RGS6: variants seen among roughly 807,000 people sequenced by gnomAD.
RGS6 encodes the protein regulator of G-protein signaling 6.
RGS6 carries 30 observed loss-of-function variants against 78.5 expected under a neutral mutation model. The observed-to-expected ratio is 0.38, with a 90% CI of 0.29 to 0.52. RGS6 has a LOEUF of 0.52. RGS6 is among the 20% of genes least tolerant of loss of function. RGS6 has a pLI of 0.85. For synonymous variants in RGS6, 206 were observed against 206.0 expected (o/e 1.00, Z 0.00); for missense variants, 495 against 609.7 (o/e 0.81, Z 1.98).
At chr14:72,245,697 TGGCCAGTTTTGG>T (rs1176614993) in intron 2 of RGS6, among the ~76,000 whole-genome samples, 1 of 152,218 alleles carries the variant, frequency 6.6e-6, no homozygotes, top group Admixed American at 6.5e-5. Flanking sequence ...ATTTTATTTA[TGGCCAGTTTTGG>T]GGCCAGTTTA....
chr14:72,245,010 A>G (rs1254650205), intron 2 of RGS6, among the ~76,000 whole-genome samples: 2 of 152,176 alleles, frequency 1.3e-5, no homozygotes, highest in Admixed American at 6.5e-5. Context: ...TTTTTACTAG[A>G]GATAGGGTAT....
intron 2 of RGS6, among the ~76,000 whole-genome samples, chr14:72,161,472 G>T (rs2153661488): frequency 6.6e-6 from 1 of 152,228 alleles, no homozygotes; most frequent in Non-Finnish European, 1.5e-5. Context: ...TTCACAATGG[G>T]GTGTGGAAGA....
rs182063072 is a variant in RGS6, at chr14:72,422,087, G to C, written c.185-32441G>C. ...TATGATGGTATCATAATGGGGGGAGGTTCCCCTGCACAAGCTCTCCCTTTG... is the reference window on the plus strand; with the variant it reads ...TATGATGGTATCATAATGGGGGGAGCTTCCCCTGCACAAGCTCTCCCTTTG... On this transcript the variant is annotated intron_variant, in intron 3 of 17. Coordinates refer to ENST00000553525, the MANE Select transcript of RGS6 (RefSeq NM_001204424.2). 2.8e-3 allele frequency among the ~76,000 whole-genome samples: 432 copies of C among 152,224 alleles called. 4 individuals carry two copies. The highest frequency in any genetic ancestry group is 9.9e-3 in the African/African-American group (413 of 41,526).
intron 3 of RGS6, among the ~76,000 whole-genome samples, chr14:72,403,522 C>G (rs2092659204): frequency 6.6e-6 from 1 of 152,100 alleles, no homozygotes; most frequent in South Asian, 2.1e-4. Flanking sequence ...GGAATATGTT[C>G]TAGTGTTCTA....
intron 2 of RGS6, among the ~76,000 whole-genome samples, chr14:72,229,017 T>G (rs1456205945): frequency 6.6e-6 from 1 of 152,234 alleles, no homozygotes; most frequent in Admixed American, 6.5e-5. Flanking sequence ...ATTGTGCCAC[T>G]GCACTCTAGC....
chr14:72,151,151 C>G (rs1598425052), intron 2 of RGS6, among the ~76,000 whole-genome samples: 2 of 152,288 alleles, frequency 1.3e-5, no homozygotes, highest in East Asian at 3.9e-4. Flanking sequence ...ACCCAAATGC[C>G]TAACAAAGTC....
At chr14:72,330,688 A>G (rs944197942) in intron 2 of RGS6, among the ~76,000 whole-genome samples, 9 of 152,200 alleles carry the variant, frequency 5.9e-5, no homozygotes, top group African/African-American at 2.2e-4. Flanking sequence ...GCCCACATTT[A>G]AAATTAATAT....
intron 2 of RGS6, among the ~76,000 whole-genome samples, chr14:72,000,879 A>C (rs2083296524): frequency 6.6e-6 from 1 of 152,088 alleles, no homozygotes; most frequent in South Asian, 2.1e-4. Context: ...GAGGAGAGAA[A>C]ATGGGAGATT....
intron 2 of RGS6, among the ~76,000 whole-genome samples, chr14:72,215,189 T>C (rs908308887): frequency 2.0e-5 from 3 of 152,206 alleles, no homozygotes; most frequent in Non-Finnish European, 4.4e-5. Context: ...TCTTCCTCCT[T>C]TTCTAGGAAG....
chr14:72,586,993 G>C, the RGS6 span, among the ~76,000 whole-genome samples: 2 of 152,096 alleles, frequency 1.3e-5, no homozygotes, highest in Non-Finnish European at 2.9e-5. Context: ...TCCCCACAAA[G>C]AATGGACAGA....
intron 3 of RGS6, among the ~76,000 whole-genome samples, chr14:72,390,090 C>CTTTTTTTTTTT (rs767640465): frequency 8.5e-6 from 1 of 117,408 alleles, no homozygotes. Context: ...AGCTATAGTT[C>CTTTTTTTTTTT]TTTTTTTTTT....
intron 1 of RGS6, among the ~76,000 whole-genome samples, chr14:71,940,711 T>C (rs1338384326): frequency 2.0e-5 from 3 of 152,244 alleles, no homozygotes; most frequent in African/African-American, 7.2e-5. Context: ...GTTGAGTGAC[T>C]GTGGTTCCCA....
At chr14:72,207,297 A>G (rs1194680300) in intron 2 of RGS6, among the ~76,000 whole-genome samples, 1 of 152,212 alleles carries the variant, frequency 6.6e-6, no homozygotes, top group Non-Finnish European at 1.5e-5. Flanking sequence ...TTTATGTGCC[A>G]GTAGATATTC....
chr14:72,206,703 G>A (rs1238646366), intron 2 of RGS6, among the ~76,000 whole-genome samples: 3 of 152,080 alleles, frequency 2.0e-5, no homozygotes, highest in African/African-American at 7.2e-5. Context: ...GATCTCATGA[G>A]ACTCATTCGC....
intron 3 of RGS6, among the ~76,000 whole-genome samples, chr14:72,380,706 T>G (rs1467735359): frequency 6.6e-6 from 1 of 152,012 alleles, no homozygotes; most frequent in Non-Finnish European, 1.5e-5. Flanking sequence ...AAAGGGAACT[T>G]ATGCACTGTT....
intron 2 of RGS6, among the ~76,000 whole-genome samples, chr14:72,317,653 A>C: frequency 6.6e-6 from 1 of 152,096 alleles, no homozygotes; most frequent in East Asian, 1.9e-4. Context: ...GGCCATTGTA[A>C]ATGTTAAAAT....
intron 13 of RGS6, among the ~76,000 whole-genome samples, 157 bp downstream of exon 13, chr14:72,495,419 A>G (rs1336726614): frequency 3.3e-5 from 5 of 152,082 alleles, no homozygotes; most frequent in Admixed American, 2.0e-4. Context: ...TACAGTTTCT[A>G]CCTCCTTATA....
chr14:71,987,251 A>C (rs557051852), intron 2 of RGS6, among the ~76,000 whole-genome samples: 1 of 152,272 alleles, frequency 6.6e-6, no homozygotes, highest in African/African-American at 2.4e-5. Flanking sequence ...GTGGCAATCT[A>C]AACTAAGTCT....
At chr14:72,347,661 T>A (rs181437512) in intron 2 of RGS6, among the ~76,000 whole-genome samples, 1 of 152,306 alleles carries the variant, frequency 6.6e-6, no homozygotes, top group Admixed American at 6.5e-5. Flanking sequence ...GAGTGGATAC[T>A]CAACTAATGT....
Sources: gnomAD v4.1 joint callset for allele counts (sites outside exome capture counted in the v4.1 genomes callset) on GRCh38, gnomAD v4.1.1 for gene constraint, MANE v1.5 for transcripts, NCBI Gene and HGNC (gene_info 2026-07-23, HGNC 2026-07-21) for gene names.